Variants in NTAQ1 observed in about 807,000 individuals in gnomAD.
The protein encoded by NTAQ1 is N-terminal glutamine amidase 1.
NTAQ1 carries 21 observed loss-of-function variants against 28.2 expected under a neutral mutation model. The observed-to-expected ratio is 0.74, with a 90% CI of 0.53 to 1.07. NTAQ1 has a LOEUF of 1.07. Among genes scored for constraint, NTAQ1 ranks in the 50% least tolerant of loss-of-function variants. The probability of loss-of-function intolerance (pLI) is 0.00; values close to 1 mark genes in which losing one functional copy is unlikely to be tolerated. For synonymous variants in NTAQ1, 105 were observed against 90.0 expected, an observed-to-expected ratio of 1.17 and a Z score of -0.94; for missense variants, 264 against 256.6, an observed-to-expected ratio of 1.03 and a Z score of -0.20.
chr8:123,455,067 G>A (rs1404237929), intron 6 of NTAQ1: 1 of 152,146 alleles, frequency 6.6e-6, no homozygotes, highest in Non-Finnish European at 1.5e-5. Flanking sequence ...ATCACGCCTC[G>A]GATAAACCTC....
chr8:123,458,574 A>G (rs1368327983), intron 6 of NTAQ1, among the ~76,000 whole-genome samples: 3 of 151,852 alleles, frequency 2.0e-5, no homozygotes, highest in Admixed American at 2.0e-4. Context: ...GCGAAGAGAG[A>G]AAACCTTTTT....
chr8:123,451,506 T>G (rs989622104), downstream of NTAQ1, among the ~76,000 whole-genome samples: 3 of 151,840 alleles, frequency 2.0e-5, no homozygotes, highest in African/African-American at 7.3e-5. Flanking sequence ...ACCTGGCTAA[T>G]TTTTGTATTT....
chr8:123,434,236 G>A (rs1372556365), intron 3 of NTAQ1, among the ~76,000 whole-genome samples: 70 of 152,128 alleles, frequency 4.6e-4, no homozygotes, highest in African/African-American at 1.7e-3. Flanking sequence ...CACTTCTCTG[G>A]GAACTTCTTG....
At chr8:123,422,014 C>G (rs1194600411) in intron 1 of NTAQ1, among the ~76,000 whole-genome samples, 1 of 152,016 alleles carries the variant, frequency 6.6e-6, no homozygotes, top group Non-Finnish European at 1.5e-5. Context: ...CAATGTTTCA[C>G]CATGTTGGCC....
chr8:123,421,423 C>A (rs1013225834), intron 1 of NTAQ1, among the ~76,000 whole-genome samples: 1 of 151,944 alleles, frequency 6.6e-6, no homozygotes, highest in Non-Finnish European at 1.5e-5. Context: ...GATGGTATCT[C>A]ATTGTGGTTT....
chr8:123,445,926 A>G (rs7831029), downstream of NTAQ1, among the ~76,000 whole-genome samples: 55,048 of 151,616 alleles, frequency 0.36, 10,094 homozygotes, highest in East Asian at 0.56. Context: ...TTTTGAAACC[A>G]TAGGCTGCTG....
intron 3 of NTAQ1, among the ~76,000 whole-genome samples, chr8:123,435,059 T>C (rs1452882614): frequency 2.0e-5 from 3 of 152,204 alleles, no homozygotes; most frequent in Admixed American, 6.5e-5. Flanking sequence ...AAGTGCCTTT[T>C]AAACTCTAAG....
At chr8:123,425,707 C>T (rs915107481) in intron 1 of NTAQ1, among the ~76,000 whole-genome samples, 2 of 152,018 alleles carry the variant, frequency 1.3e-5, no homozygotes, top group African/African-American at 2.4e-5. Context: ...GGTAGCATGG[C>T]GTGGATGAAA....
In NTAQ1 at chr8:123,417,155, A is replaced by G. The variant is rs12541494; in HGVS notation, c.83+223A>G. On this transcript the variant is annotated intron_variant, in intron 1 of 5. Transcript: ENST00000287387. ...GAATTCGTCCGGAATCATAGGGTCGATAGTGCATTACCTGTGCCTGGCGCT... is the reference window on the plus strand; with the variant it reads ...GAATTCGTCCGGAATCATAGGGTCGGTAGTGCATTACCTGTGCCTGGCGCT... Among the ~76,000 whole-genome samples, 45,574 of 152,092 alleles carry G rather than the reference A, an allele frequency of 0.3. 7,340 individuals are homozygous for G. The highest frequency in any genetic ancestry group is 0.45 in the South Asian group (2,164 of 4,826).
chr8:123,417,741 A>AGG lies in NTAQ1; in HGVS notation c.83+809_83+810insGG, dbSNP rs1813393515. ...CTAAACCAATGCCACCAAGAGCTTA[A>AGG]CATTTGTTCGGCCCTGATTGCATGT... On this transcript the variant is annotated intron_variant, in intron 1 of 5. Transcript: ENST00000287387. Among the ~76,000 whole-genome samples the AGG allele has an allele frequency of 5.9e-5, 9 of 152,232 alleles. No individual in the cohort carries two copies. The South Asian group carries it at 1.0e-3, about 18-fold the overall frequency.
At chr8:123,421,417 G>T (rs1586926046) in intron 1 of NTAQ1, among the ~76,000 whole-genome samples, 1 of 152,146 alleles carries the variant, frequency 6.6e-6, no homozygotes, top group Non-Finnish European at 1.5e-5. Flanking sequence ...GAGTGAGATG[G>T]TATCTCATTG....
intron 6 of NTAQ1, among the ~76,000 whole-genome samples, chr8:123,464,131 A>T (rs1469845704): frequency 6.6e-6 from 1 of 152,170 alleles, no homozygotes; most frequent in East Asian, 1.9e-4. Flanking sequence ...TTTATAAATT[A>T]TCCTGTCTCA....
downstream of NTAQ1, among the ~76,000 whole-genome samples, chr8:123,443,573 C>A (rs374116149): frequency 8.7e-4 from 133 of 152,254 alleles, no homozygotes; most frequent in African/African-American, 2.9e-3. Flanking sequence ...TGCTTGAAGC[C>A]AAGCCCACCT....
intron 6 of NTAQ1, among the ~76,000 whole-genome samples, chr8:123,457,577 A>G (rs1304230652): frequency 6.6e-6 from 1 of 152,214 alleles, no homozygotes; most frequent in Non-Finnish European, 1.5e-5. Flanking sequence ...TTATATTTGT[A>G]CAGAATATCT....
chr8:123,462,202 C>T (rs1442410176), intron 6 of NTAQ1, among the ~76,000 whole-genome samples: 3 of 152,006 alleles, frequency 2.0e-5, no homozygotes, highest in African/African-American at 7.2e-5. Flanking sequence ...CATGCCACCA[C>T]GCCTGGCTAA....
downstream of NTAQ1, among the ~76,000 whole-genome samples, chr8:123,446,761 C>T (rs1273332990): frequency 2.0e-5 from 3 of 152,140 alleles, no homozygotes; most frequent in African/African-American, 4.8e-5. Flanking sequence ...TTACAGCCTC[C>T]GCAACAGACT....
chr8:123,442,959 C>T (rs772941069), downstream of NTAQ1, among the ~76,000 whole-genome samples: 10 of 151,924 alleles, frequency 6.6e-5, no homozygotes, highest in South Asian at 2.1e-4. Flanking sequence ...TGAGCCACCG[C>T]GCCCGGCCCC....
intron 1 of NTAQ1, among the ~76,000 whole-genome samples, chr8:123,426,926 C>G (rs6993896): frequency 0.3 from 45,636 of 152,080 alleles, 7,388 homozygotes; most frequent in South Asian, 0.45. Flanking sequence ...CACCACTGCA[C>G]TCCATCCTGG....
intron 6 of NTAQ1, among the ~76,000 whole-genome samples, chr8:123,466,688 T>C (rs1213346419): frequency 6.6e-6 from 1 of 152,192 alleles, no homozygotes; most frequent in African/African-American, 2.4e-5. Flanking sequence ...TACATGGATG[T>C]GCAAATATCT....
Sources: gnomAD v4.1 joint callset for allele counts (sites outside exome capture counted in the v4.1 genomes callset) on GRCh38, gnomAD v4.1.1 for gene constraint, MANE v1.5 for transcripts, NCBI Gene and HGNC (gene_info 2026-07-23, HGNC 2026-07-21) for gene names.